DCAF6: variants seen among roughly 807,000 people sequenced by gnomAD.
DCAF6 encodes DDB1 and CUL4 associated factor 6, also known as DDB1- and CUL4-associated factor 6.
A neutral mutation model predicts 125.1 loss-of-function variants in DCAF6; 54 were observed. The ratio of observed to expected loss-of-function variants is 0.43; its 90% confidence interval spans 0.35 to 0.54. The LOEUF (loss-of-function observed/expected upper bound fraction) is 0.54. Among genes scored for constraint, DCAF6 ranks in the 20% least tolerant of loss-of-function variants. The pLI, the probability that DCAF6 is intolerant of heterozygous loss-of-function variation, is 0.01. For missense variants in DCAF6, 934 were observed against 1,161.7 expected (o/e 0.80, Z 2.85); for synonymous variants, 371 against 390.4 (o/e 0.95, Z 0.58).
intron 4 of DCAF6, among the ~76,000 whole-genome samples, chr1:167,980,147 C>G (rs1678888134): frequency 6.6e-6 from 1 of 152,134 alleles, no homozygotes; most frequent in Non-Finnish European, 1.5e-5. Flanking sequence ...TGTCACTGCA[C>G]TCCAGCCTGG....
At chr1:167,900,470 C>T in the DCAF6 span, among the ~76,000 whole-genome samples, 1 of 151,932 alleles carries the variant, frequency 6.6e-6, no homozygotes, top group Non-Finnish European at 1.5e-5. Flanking sequence ...TGGGTACTAA[C>T]TTAGAAAAAA....
chr1:167,993,203 A>G, intron 6 of DCAF6, 23 bp from the exon 7 acceptor site: 1 of 1,577,396 alleles, frequency 6.3e-7, no homozygotes. Context: ...TTAATTTTAA[A>G]TAACTTCTTG....
intron 10 of DCAF6, among the ~76,000 whole-genome samples, chr1:168,014,429 A>C (rs1007774856): frequency 6.6e-6 from 1 of 152,156 alleles, no homozygotes; most frequent in African/African-American, 2.4e-5. Context: ...TTTCCTCTTA[A>C]ACATTTGACT....
At chr1:167,978,665 T>C (rs910121819) in intron 4 of DCAF6, among the ~76,000 whole-genome samples, 1 of 152,040 alleles carries the variant, frequency 6.6e-6, no homozygotes, top group African/African-American at 2.4e-5. Context: ...ACTCTCCTAG[T>C]GGTGGGGGAG....
intron 21 of DCAF6, 88 bp downstream of exon 21, chr1:168,068,551 A>T (rs1692634165): frequency 6.4e-6 from 4 of 620,628 alleles, no homozygotes; most frequent in East Asian, 3.7e-5. Flanking sequence ...GTTTATATAT[A>T]TTTTTTAATA....
intron 3 of DCAF6, among the ~76,000 whole-genome samples, chr1:167,972,480 A>C (rs918226672): frequency 6.6e-6 from 1 of 152,174 alleles, no homozygotes; most frequent in Non-Finnish European, 1.5e-5. Flanking sequence ...ACATGTACTG[A>C]TATGATTTAT....
intron 16 of DCAF6, among the ~76,000 whole-genome samples, chr1:168,046,235 A>G (rs1689138666): frequency 6.6e-6 from 1 of 152,132 alleles, no homozygotes; most frequent in South Asian, 2.1e-4. Flanking sequence ...TTATTGTAAG[A>G]ATTTTAAAAA....
At chr1:168,072,294 TAAAA>T (rs59674650) in intron 21 of DCAF6, among the ~76,000 whole-genome samples, 29 of 41,004 alleles carry the variant, frequency 7.1e-4, no homozygotes, top group African/African-American at 2.2e-3. Context: ...AGAATCAGTC[TAAAA>T]AAAAAAAAAA....
chr1:168,069,869 T>C (rs1054347953), intron 21 of DCAF6, among the ~76,000 whole-genome samples: 1 of 152,198 alleles, frequency 6.6e-6, no homozygotes, highest in Non-Finnish European at 1.5e-5. Flanking sequence ...AAATATATTT[T>C]GTTCAATAAC....
chr1:168,043,181 A>T (rs765744799), intron 14 of DCAF6, 41 bp downstream of exon 14: 1 of 1,426,780 alleles, frequency 7.0e-7, no homozygotes. Context: ...AAATTGCAGC[A>T]TTGGATGTTT....
intron 21 of DCAF6, among the ~76,000 whole-genome samples, chr1:168,073,432 A>G (rs944758937): frequency 1.3e-5 from 2 of 152,206 alleles, no homozygotes; most frequent in Non-Finnish European, 1.5e-5. Context: ...GAATTTGAGG[A>G]GAGAACAACT....
At chr1:167,880,253 G>A in the DCAF6 span, 3 of 1,418,360 alleles carry the variant, frequency 2.1e-6, no homozygotes, top group Non-Finnish European at 2.0e-6. Context: ...TAGAGAAAGT[G>A]GGAAGGGTGG....
chr1:167,908,944 A>G, the DCAF6 span, among the ~76,000 whole-genome samples: 1 of 152,372 alleles, frequency 6.6e-6, no homozygotes, highest in African/African-American at 2.4e-5. Context: ...AGGAAAATGT[A>G]CAAATCATAA....
At chr1:167,933,244 T>G (rs1235822981), upstream of DCAF6, among the ~76,000 whole-genome samples, 3 of 151,340 alleles carry the variant, frequency 2.0e-5, no homozygotes, top group African/African-American at 7.3e-5. Context: ...CTTGGCTAAC[T>G]GCAACCTCCA....
At chr1:167,961,484 G>A (rs1217817004) in intron 2 of DCAF6, among the ~76,000 whole-genome samples, 2 of 151,982 alleles carry the variant, frequency 1.3e-5, no homozygotes, top group Non-Finnish European at 2.9e-5. Flanking sequence ...CCCGTGATCC[G>A]CCCTCCTTTG....
At chr1:168,072,294 TAAA>T (rs59674650) in intron 21 of DCAF6, among the ~76,000 whole-genome samples, 2,406 of 40,950 alleles carry the variant, frequency 0.059, 109 homozygotes, top group African/African-American at 0.18. Context: ...AGAATCAGTC[TAAA>T]AAAAAAAAAA....
At chr1:167,880,373 G>T in the DCAF6 span, 1 of 968,610 alleles carries the variant, frequency 1.0e-6, no homozygotes, top group Non-Finnish European at 1.7e-6. Flanking sequence ...ACAACAGTTT[G>T]AGACACAGGA....
intron 17 of DCAF6, among the ~76,000 whole-genome samples, chr1:168,052,510 A>T (rs138106371): frequency 1.3e-5 from 2 of 152,208 alleles, no homozygotes; most frequent in Non-Finnish European, 2.9e-5. Context: ...ACTTCTAATT[A>T]TAAGGCAGTA....
chr1:167,866,750 TAAA>T, the DCAF6 span, among the ~76,000 whole-genome samples: 2 of 123,090 alleles, frequency 1.6e-5, no homozygotes, highest in Admixed American at 8.4e-5. Flanking sequence ...AAAGTTCACT[TAAA>T]AAAAAAAAAA....
Sources: allele counts gnomAD v4.1 joint callset (sites outside exome capture counted in the v4.1 genomes callset), GRCh38; gene constraint gnomAD v4.1.1; transcripts MANE v1.5; gene names NCBI Gene and HGNC (gene_info 2026-07-23, HGNC 2026-07-21).